The following DOT1L variants were observed in gnomAD, a reference collection of about 807,000 sequenced individuals.
DOT1L encodes the protein histone-lysine N-methyltransferase, H3 lysine-79 specific.
A neutral mutation model predicts 153.3 loss-of-function variants in DOT1L; 33 were observed. The ratio of observed to expected loss-of-function variants is 0.22; its 90% CI spans 0.16 to 0.29. DOT1L has a LOEUF of 0.29. DOT1L is among the 10% of genes least tolerant of loss of function. DOT1L has a pLI of 1.00. For synonymous variants in DOT1L, 1,135 were observed against 965.1 expected (o/e 1.18, Z -3.26); for missense variants, 1,847 against 2,119.9 (o/e 0.87, Z 2.53).
In DOT1L at chr19:2,197,664, G is replaced by GCTCA. The variant is rs1393852609; in HGVS notation, c.652-2218_652-2215dup. Among the ~76,000 whole-genome samples, 2 of 152,198 alleles carry GCTCA rather than the reference G, an allele frequency of 1.3e-5. No homozygotes were observed. The highest frequency in any genetic ancestry group is 2.9e-5 in the Non-Finnish European group (2 of 68,032). Reference sequence around the variant, plus strand: ...GTCTGGATTCCGTGCAGGTTTAGGTGCTCACGGTCAGGCCAGTGGCTCCTG... The same window carrying GCTCA: ...GTCTGGATTCCGTGCAGGTTTAGGTGCTCACTCACGGTCAGGCCAGTGGCTCCTG... On this transcript the variant is annotated intron_variant, in intron 7 of 27. Coordinates refer to ENST00000398665, the MANE Select transcript of DOT1L (RefSeq NM_032482.3). The surrounding 1 kb of genome is among the most constrained non-coding windows in gnomAD (Gnocchi z 4.1).
In DOT1L at chr19:2,172,364, T is replaced by A. The variant is rs2021684775; in HGVS notation, c.81+8099T>A. Among the ~76,000 whole-genome samples, 10 of 150,940 alleles carry A rather than the reference T, an allele frequency of 6.6e-5. No homozygotes were observed. The South Asian group carries it at 2.1e-3, about 32-fold the overall frequency. On this transcript the variant is annotated intron_variant, in intron 1 of 27. Coordinates refer to ENST00000398665, the MANE Select transcript of DOT1L (RefSeq NM_032482.3). Reference sequence around the variant, plus strand: ...GCCGCCACGCCCAGCTAATTTTTTGTATTTTTAGCAGAGATGGGGTTTCAC... The same window carrying A: ...GCCGCCACGCCCAGCTAATTTTTTGAATTTTTAGCAGAGATGGGGTTTCAC...
chr19:2,165,899 G>C (rs1159365342), intron 1 of DOT1L, among the ~76,000 whole-genome samples: 1 of 151,566 alleles, frequency 6.6e-6, no homozygotes. Context: ...CTCCCCAGTA[G>C]CTAGGACTAT....
chr19:2,211,641 A>G, intron 15 of DOT1L, 110 bp from the exon 16 acceptor site: 1 of 916,276 alleles, frequency 1.1e-6, no homozygotes, highest in Non-Finnish European at 1.6e-6. Context: ...CTGCCTCATG[A>G]GTGCCTGACA....
chr19:2,193,802 C>T lies in DOT1L; in HGVS notation c.588+19C>T, dbSNP rs369558621. The T allele has an allele frequency of 5.1e-5, 82 of 1,610,994 alleles. 2 individuals carry two copies. The South Asian group carries it at 8.5e-4, about 17-fold the overall frequency. On this transcript the variant is annotated intron_variant, in intron 6 of 27. Transcript: ENST00000398665. The surrounding 1 kb of genome is among the most constrained non-coding windows in gnomAD (Gnocchi z 5.9). Reference sequence around the variant, plus strand: ...TGCGGAGGTGAGCGGATCTGAGGGCCAGGGTGTGTTGGAGGCAGGGGACCA... The same window carrying T: ...TGCGGAGGTGAGCGGATCTGAGGGCTAGGGTGTGTTGGAGGCAGGGGACCA...
intron 9 of DOT1L, among the ~76,000 whole-genome samples, chr19:2,205,223 G>A (rs1018204354): frequency 2.6e-5 from 4 of 151,938 alleles, no homozygotes; most frequent in African/African-American, 4.8e-5. Context: ...TCCCTGCCTC[G>A]GCCTCCCAAA....
In DOT1L at chr19:2,191,388, G is replaced by T; in HGVS notation, c.493+148G>T. ...CTTCTCCCAGCGCCTCTGTCCCGCT[G>T]TGGGGCCGTTCCTTTCCCCAGCCCT... On this transcript the variant is annotated intron_variant, in intron 5 of 27. Coordinates refer to ENST00000398665, the MANE Select transcript of DOT1L (RefSeq NM_032482.3). This position sits in a 1 kb window ranked among gnomAD's most constrained non-coding sequence, Gnocchi z 6.8. 1 of 819,408 alleles carries T rather than the reference G, an allele frequency of 1.2e-6. No homozygotes were observed. Among genetic ancestry groups the T allele is most frequent in the South Asian group, 1.6e-5 (1 of 61,632 alleles). The allele number at this position is 819,408 out of a possible 1,614,324, so 50.8% of individuals were successfully genotyped here. A position where few individuals can be genotyped will look rare whatever the true frequency, so the allele number is the denominator to read the frequency against.
intron 1 of DOT1L, among the ~76,000 whole-genome samples, chr19:2,175,917 G>A (rs2021907795): frequency 6.6e-6 from 1 of 152,118 alleles, no homozygotes. Context: ...CCAGCACTGG[G>A]CTCTTCCGCA....
At chr19:2,214,415 G>A in intron 18 of DOT1L, 56 bp from the exon 19 acceptor site, 1 of 1,594,884 alleles carries the variant, frequency 6.3e-7, no homozygotes, top group Non-Finnish European at 8.6e-7. Flanking sequence ...TGAGAGTGTG[G>A]GGTGTGCTGG....
chr19:2,210,974 G>C (rs1007985571), intron 14 of DOT1L, 119 bp downstream of exon 14: 9 of 1,463,252 alleles, frequency 6.2e-6, no homozygotes, highest in African/African-American at 2.8e-5. Flanking sequence ...GAGCCTCCCT[G>C]TTGTGGCTGT....
chr19:2,168,908 C>T (rs1252184374), intron 1 of DOT1L, among the ~76,000 whole-genome samples: 1 of 152,212 alleles, frequency 6.6e-6, no homozygotes, highest in African/African-American at 2.4e-5. Flanking sequence ...GCCACCGTGC[C>T]TGGCCCTGCG....
intron 8 of DOT1L, among the ~76,000 whole-genome samples, chr19:2,200,447 C>A (rs2023205866): frequency 6.6e-6 from 1 of 152,228 alleles, no homozygotes; most frequent in South Asian, 2.1e-4. Flanking sequence ...CAGGTCCGTC[C>A]CCACCGCCAC....
chr19:2,223,385 G>A lies in DOT1L; in HGVS notation c.3495G>A (p.Val1165=). ...VPYQDHDQPP[V]LKKERPLSQT... ...ACCAGGACCACGACCAGCCCCCCGT[G>A]CTCAAGAAGGAGCGGCCTCTGAGCC... The change falls in exon 25 of 28, where the codon GTG becomes GTA. Residue 1165 remains valine (V), a synonymous_variant. Transcript: ENST00000398665. The A allele has an allele frequency of 6.2e-7, 1 of 1,613,798 alleles. No individual in the cohort carries two copies. Among genetic ancestry groups the A allele is most frequent in the South Asian group, 1.1e-5 (1 of 91,074 alleles).
At chr19:2,188,664 G>A (rs1265664932) in intron 3 of DOT1L, among the ~76,000 whole-genome samples, 2 of 152,210 alleles carry the variant, frequency 1.3e-5, no homozygotes, top group Non-Finnish European at 2.9e-5. Flanking sequence ...GTGTGACAGT[G>A]TTCACTGGAC....
In DOT1L at chr19:2,226,462, A is replaced by G; in HGVS notation, c.3941A>G (p.Asn1314Ser). Reference sequence around the variant, plus strand: ...CTCAGCCCGGGCACCAACCCTGCCAACGGCTGCACCTTCGGCGGGGGCCTG... The same window carrying G: ...CTCAGCCCGGGCACCAACCCTGCCAGCGGCTGCACCTTCGGCGGGGGCCTG... ...DGLSPGTNPA[N>S]GCTFGGGLAA... Residue 1314 changes from asparagine (N) to serine (S), a missense_variant, in exon 27 of 28, where the codon AAC (asparagine) becomes AGC (serine). By Grantham distance (46) the Asn-to-Ser change is conservative. Coordinates refer to ENST00000398665, the MANE Select transcript of DOT1L (RefSeq NM_032482.3). The G allele has an allele frequency of 6.2e-7, 1 of 1,601,920 alleles. No homozygotes were observed.
At position 2,213,925 on chromosome 19, in the gene DOT1L, G is replaced by A. The variant is rs1277215738; in HGVS notation, c.1736G>A (p.Arg579Gln). Residue 579 changes from arginine to glutamine, a missense_variant, in exon 18 of 28, where the codon CGG (arginine) becomes CAG (glutamine). Arg to Gln is a conservative substitution (Grantham distance 43). Coordinates refer to ENST00000398665, the MANE Select transcript of DOT1L (RefSeq NM_032482.3). Reference protein sequence around the residue: ...KEISAHNQQLREQSEQLEQDN... With the variant: ...KEISAHNQQLQEQSEQLEQDN... ...ATCTCCGCCCATAACCAGCAGCTGC[G>A]GGAGCAGTCGGAGCAGCTGGAGCAG... The A allele has an allele frequency of 3.7e-6, 6 of 1,613,066 alleles. No individual in the cohort carries two copies. The highest frequency in any genetic ancestry group is 5.1e-6 in the Non-Finnish European group (6 of 1,180,042).
Position 2,191,004 on chromosome 19 carries a change from GTCC to G in DOT1L, c.265-7_265-5del. On this transcript the variant is annotated splice_polypyrimidine_tract_variant and splice_region_variant and intron_variant, in intron 4 of 27. Coordinates refer to ENST00000398665, the MANE Select transcript of DOT1L (RefSeq NM_032482.3). This position sits in a 1 kb window ranked among gnomAD's most constrained non-coding sequence, Gnocchi z 6.8. Reference sequence around the variant, plus strand: ...ATGTGACATGGCCGGGCCACCCTCCGTCCGCAGTGGAAGGGCACCACGCAGCCC... The same window carrying G: ...ATGTGACATGGCCGGGCCACCCTCCGGCAGTGGAAGGGCACCACGCAGCCC... 6.3e-7 allele frequency: 1 copy of G among 1,588,076 alleles called. No individual in the cohort carries two copies. The highest frequency in any genetic ancestry group is 8.5e-7 in the Non-Finnish European group (1 of 1,170,276).
intron 3 of DOT1L, among the ~76,000 whole-genome samples, chr19:2,186,482 T>C (rs2022512627): frequency 7.5e-6 from 1 of 133,644 alleles, no homozygotes; most frequent in African/African-American, 2.8e-5. Context: ...TCCAGGCTCA[T>C]GCCTTTTTCA....
chr19:2,165,537 G>T (rs978366896), intron 1 of DOT1L, among the ~76,000 whole-genome samples: 2 of 152,222 alleles, frequency 1.3e-5, no homozygotes, highest in African/African-American at 4.8e-5. Context: ...ATCCCGCCAG[G>T]AGAGGTCCTA....
rs993355990 is a variant in DOT1L, at chr19:2,217,405, C to T, written c.2544+315C>T. Reference sequence around the variant, plus strand: ...GAGGCCGCTGCCCATGAGGACTTCCCCGGGGGCACTGGCCTGTGTGCACAG... The same window carrying T: ...GAGGCCGCTGCCCATGAGGACTTCCTCGGGGGCACTGGCCTGTGTGCACAG... On this transcript the variant is annotated intron_variant, in intron 21 of 27. Coordinates refer to ENST00000398665, the MANE Select transcript of DOT1L (RefSeq NM_032482.3). The surrounding 1 kb of genome is among the most constrained non-coding windows in gnomAD (Gnocchi z 7.3). 1.3e-5 allele frequency among the ~76,000 whole-genome samples: 2 copies of T among 152,162 alleles called. No homozygotes were observed. Among genetic ancestry groups the T allele is most frequent in the Non-Finnish European group, 2.9e-5 (2 of 68,016 alleles).
Sources: gnomAD v4.1 joint callset for allele counts (sites outside exome capture counted in the v4.1 genomes callset) on GRCh38, gnomAD v4.1.1 for gene constraint, Gnocchi (gnomAD v3.1) non-coding constraint, MANE v1.5 for transcripts, NCBI Gene and HGNC (gene_info 2026-07-23, HGNC 2026-07-21) for gene names.